The following PSMD6 variants were observed in gnomAD, a reference collection of about 807,000 sequenced individuals.
PSMD6 encodes the protein 26S proteasome non-ATPase regulatory subunit 6.
A neutral mutation model predicts 44.9 loss-of-function variants in PSMD6; 7 were observed. That is an observed-to-expected ratio of 0.16 (90% CI 0.09 to 0.29). The LOEUF (loss-of-function observed/expected upper bound fraction) is 0.29. Among genes scored for constraint, PSMD6 ranks in the 10% least tolerant of loss-of-function variants. The probability of loss-of-function intolerance (pLI) is 1.00; values close to 1 mark genes in which losing one functional copy is unlikely to be tolerated. For synonymous variants in PSMD6, 184 were observed against 172.7 expected (o/e 1.07, Z -0.51); for missense variants, 420 against 482.6 (o/e 0.87, Z 1.21).
At chr3:64,020,062 A>G (rs1025650920) in intron 2 of PSMD6, 1 of 152,202 alleles carries the variant, frequency 6.6e-6, no homozygotes. Context: ...TCCCCCACTA[A>G]AAGGAACCAG....
At chr3:64,019,177 G>T in intron 3 of PSMD6, 119 bp downstream of exon 3, 1 of 1,383,782 alleles carries the variant, frequency 7.2e-7, no homozygotes, top group Non-Finnish European at 1.0e-6. Flanking sequence ...TACTAAATAA[G>T]TACATCAATT....
chr3:64,022,191 G>A (rs2076143488), intron 2 of PSMD6, 127 bp downstream of exon 2: 1 of 1,047,796 alleles, frequency 9.5e-7, no homozygotes, highest in Non-Finnish European at 1.4e-6. Context: ...ACCAGTACAA[G>A]CAAGCATGAT....
rs1349025381 is a variant in PSMD6, at chr3:64,010,661, C to T, written c.*7G>A. On this transcript the variant is annotated 3_prime_UTR_variant, in exon 8 of 8. Coordinates refer to ENST00000295901, the MANE Select transcript of PSMD6 (RefSeq NM_014814.3). ...TCTAAAGCAAATCCTTTGTTAGTTA[C>T]ATGGCTTTACATATTAATTACTCTG... is the stretch of plus-strand genomic sequence containing the variant. 1.3e-6 allele frequency: 2 copies of T among 1,554,098 alleles called. No homozygotes were observed. Among genetic ancestry groups the T allele is most frequent in the East Asian group, 2.2e-5 (1 of 44,500 alleles).
Position 64,023,311 on chromosome 3 carries a change from C to G in PSMD6, c.109G>C (p.Val37Leu). The G allele has an allele frequency of 6.3e-7, 1 of 1,591,310 alleles. No individual in the cohort carries two copies. ...ACGGCCGCCATCAGCTCGTCGCGCA[C>G]GGCAGCGTCTCCGCGGTGCTCGGGC... ...SLPEHRGDAAVRDELMAAVRD... is the reference protein window; with the variant it reads ...SLPEHRGDAALRDELMAAVRD... The change falls in exon 1 of 8, where the codon GTG becomes CTG. Residue 37 changes from valine (V) to leucine (L), a missense_variant. Coordinates refer to ENST00000295901, the MANE Select transcript of PSMD6 (RefSeq NM_014814.3).
intron 6 of PSMD6, 25 bp from the exon 7 acceptor site, chr3:64,010,980 G>A: frequency 6.5e-7 from 1 of 1,531,852 alleles, no homozygotes; most frequent in Non-Finnish European, 8.9e-7. Context: ...AAAAATAACA[G>A]AATTAGCTTT....
At chr3:64,020,297 G>C (rs898760589) in intron 2 of PSMD6, among the ~76,000 whole-genome samples, 8 of 152,068 alleles carry the variant, frequency 5.3e-5, no homozygotes, top group African/African-American at 1.9e-4. Flanking sequence ...AGTCCATTAA[G>C]TATTTAGTAA....
At chr3:64,023,143 G>A in intron 1 of PSMD6, 132 bp downstream of exon 1, 2 of 1,424,176 alleles carry the variant, frequency 1.4e-6, no homozygotes, top group Non-Finnish European at 1.8e-6. Context: ...CTAAGGGCCG[G>A]AGAAGCCAGG....
chr3:64,010,870 G>T lies in PSMD6; in HGVS notation c.1073+8C>A, dbSNP rs200913854. The T allele has an allele frequency of 2.5e-6, 4 of 1,600,442 alleles. No individual in the cohort carries two copies. Among genetic ancestry groups the T allele is most frequent in the South Asian group, 2.2e-5 (2 of 89,804 alleles). ...AGGAATGCCCCTTATTCTGAGAAAT[G>T]AGAGTACCTGTTGGTTTCTACTATT... On this transcript the variant is annotated splice_region_variant and intron_variant, in intron 7 of 7. Transcript: ENST00000295901.
intron 6 of PSMD6, 103 bp from the exon 7 acceptor site, chr3:64,011,058 C>G (rs1345335871): frequency 2.1e-6 from 2 of 971,596 alleles, no homozygotes; most frequent in Admixed American, 2.6e-5. Flanking sequence ...AAACATTTAG[C>G]TTCCCTTCAA....
In PSMD6 at chr3:64,019,055, TAAGATC is replaced by T; in HGVS notation, c.498-24_498-19del. The T allele has an allele frequency of 2.5e-6, 4 of 1,574,666 alleles. No homozygotes were observed. The highest frequency in any genetic ancestry group is 3.5e-6 in the Non-Finnish European group (4 of 1,144,962). On this transcript the variant is annotated intron_variant, in intron 3 of 7. Transcript: ENST00000295901. ...CTATTAAGCTATGAAATAAAAACAG[TAAGATC>T]ATAGTCTGGAAACAGACAAGGCCAC...
intron 6 of PSMD6, chr3:64,012,730 C>G (rs1248655219): frequency 6.6e-6 from 1 of 152,310 alleles, no homozygotes; most frequent in African/African-American, 2.4e-5. Flanking sequence ...TTTCTATTCC[C>G]TTTTCTGCAC....
At chr3:64,023,871 T>A, upstream of PSMD6, 3 of 1,442,262 alleles carry the variant, frequency 2.1e-6, no homozygotes, top group Non-Finnish European at 2.8e-6. Context: ...GAGGTAGTAC[T>A]ATTAGCCTAT....
At chr3:64,019,241 T>G in intron 3 of PSMD6, 55 bp downstream of exon 3, 1 of 1,516,604 alleles carries the variant, frequency 6.6e-7, no homozygotes, top group East Asian at 2.3e-5. Context: ...TATATCAGCT[T>G]CTCATTTGTA....
At chr3:64,010,989 T>TTATAGAAAATTCTTAGAAA (rs2106834639) in intron 6 of PSMD6, 34 bp from the exon 7 acceptor site, 2 of 1,502,156 alleles carry the variant, frequency 1.3e-6, no homozygotes, top group Admixed American at 2.1e-5. Flanking sequence ...AGAATTAGCT[T>TTATAGAAAATTCTTAGAAA]TATAGAAAAT....
chr3:64,019,712 C>T, intron 2 of PSMD6: 1 of 365,390 alleles, frequency 2.7e-6, no homozygotes, highest in Non-Finnish European at 4.8e-6. Flanking sequence ...AAAATATATT[C>T]ACAATTGTTA....
chr3:64,023,685 A>G (rs1472749553), upstream of PSMD6: 5 of 1,471,086 alleles, frequency 3.4e-6, no homozygotes, highest in South Asian at 2.7e-5. Flanking sequence ...CAAAAGCCCA[A>G]TTTCTTGAAT....
intron 2 of PSMD6, among the ~76,000 whole-genome samples, chr3:64,022,013 T>C (rs1332077771): frequency 1.3e-5 from 2 of 152,172 alleles, no homozygotes; most frequent in Non-Finnish European, 2.9e-5. Context: ...GTGAGAAAAC[T>C]GCTGAAAATG....
At chr3:64,015,904 A>G (rs890291748) in intron 5 of PSMD6, 1 of 152,166 alleles carries the variant, frequency 6.6e-6, no homozygotes, top group African/African-American at 2.4e-5. Context: ...TAAACGAGTA[A>G]AAGGCCGGGC....
At chr3:64,011,126 T>G in intron 6 of PSMD6, 171 bp from the exon 7 acceptor site, 1 of 531,598 alleles carries the variant, frequency 1.9e-6, no homozygotes. Flanking sequence ...AGGCTTTAAG[T>G]CATCATCTAC....
Sources: allele counts gnomAD v4.1 joint callset (sites outside exome capture counted in the v4.1 genomes callset), GRCh38; gene constraint gnomAD v4.1.1; transcripts MANE v1.5; gene names NCBI Gene and HGNC (gene_info 2026-07-23, HGNC 2026-07-21).